Variants in DMD observed in about 807,000 individuals in gnomAD.
DMD encodes the protein mutant dystrophin.
A neutral mutation model predicts 330.1 loss-of-function variants in DMD; 63 were observed. The observed-to-expected ratio is 0.19, with a 90% CI of 0.16 to 0.24. The LOEUF is 0.24. DMD is among the 10% of genes least tolerant of loss of function. The pLI is 1.00. For missense variants in DMD, 3,344 were observed against 2,684.1 expected (o/e 1.25, Z -5.43); for synonymous variants, 1,223 against 959.8 (o/e 1.27, Z -5.07).
intron 48 of DMD, among the ~76,000 whole-genome samples, chrX:31,858,472 T>G (rs1603502096): frequency 1.8e-5 from 2 of 110,785 alleles, no homozygotes; most frequent in African/African-American, 6.5e-5. Context: ...GTAATTTTTC[T>G]CAACTCTCAA....
intron 2 of DMD, among the ~76,000 whole-genome samples, chrX:32,945,724 A>C (rs1027548862): frequency 1.8e-5 from 2 of 111,748 alleles, no homozygotes; most frequent in African/African-American, 6.5e-5. Context: ...CTCCTAAATT[A>C]GGGACAGATT....
chrX:31,312,823 A>G (rs1050466608), intron 62 of DMD, among the ~76,000 whole-genome samples: 8 of 111,815 alleles, frequency 7.2e-5, no homozygotes. Context: ...TGAAACTGGA[A>G]GCCATCATCC....
At chrX:32,364,487 C>G in intron 36 of DMD, 95 bp downstream of exon 36, 1 of 999,595 alleles carries the variant, frequency 1.0e-6, no homozygotes, top group Non-Finnish European at 1.4e-6. Flanking sequence ...GATTGTTTTA[C>G]TCTTATTAAG....
At chrX:32,642,391 C>T (rs919783739) in intron 11 of DMD, among the ~76,000 whole-genome samples, 1 of 111,906 alleles carries the variant, frequency 8.9e-6, no homozygotes, top group Non-Finnish European at 1.9e-5. Flanking sequence ...AGCTGTAACA[C>T]GTACAAAAGC....
rs150511828 is a variant in DMD, at chrX:32,519,444, T to C, written c.2169-1313A>G. ...CCTGATCATCAGCCTACCCTATGCT[T>C]AATTACTTCAACGGATATTCTATGG... On this transcript the variant is annotated intron_variant, in intron 17 of 78. Coordinates refer to ENST00000357033, the MANE Select transcript of DMD (RefSeq NM_004006.3). Among the ~76,000 whole-genome samples, 303 of 111,112 alleles carry C rather than the reference T, an allele frequency of 2.7e-3. 1 individual carries two copies. Among genetic ancestry groups the C allele is most frequent in the African/African-American group, 9.4e-3 (289 of 30,629 alleles).
At chrX:33,191,109 C>T (rs1190211259) in intron 1 of DMD, among the ~76,000 whole-genome samples, 1 of 93,536 alleles carries the variant, frequency 1.1e-5, no homozygotes, top group East Asian at 3.5e-4. Context: ...CCTCATTACC[C>T]GCGCAAATAA....
intron 55 of DMD, among the ~76,000 whole-genome samples, chrX:31,556,518 CAAA>C (rs56984431): frequency 7.9e-5 from 5 of 62,905 alleles, no homozygotes; most frequent in African/African-American, 5.3e-5. Flanking sequence ...GTGAAAAAAG[CAAA>C]AAAAAAAAAA....
intron 29 of DMD, among the ~76,000 whole-genome samples, chrX:32,421,334 A>G (rs1327528348): frequency 1.8e-5 from 2 of 111,940 alleles, no homozygotes; most frequent in Admixed American, 1.9e-4. Context: ...TAGGATAGAC[A>G]AGACTGCAGT....
At chrX:33,064,743 G>T (rs2094627837) in intron 1 of DMD, among the ~76,000 whole-genome samples, 1 of 110,554 alleles carries the variant, frequency 9.0e-6, no homozygotes, top group Non-Finnish European at 1.9e-5. Flanking sequence ...ACAAAAATTA[G>T]CCGGGCATGG....
At chrX:31,931,764 T>G (rs1037288942) in intron 46 of DMD, among the ~76,000 whole-genome samples, 6 of 111,506 alleles carry the variant, frequency 5.4e-5, no homozygotes, top group Admixed American at 1.9e-4. Flanking sequence ...AATCTAAAAT[T>G]AATTTCAAAT....
At chrX:32,870,713 G>T (rs1467112397) in intron 2 of DMD, among the ~76,000 whole-genome samples, 3 of 110,440 alleles carry the variant, frequency 2.7e-5, no homozygotes, top group African/African-American at 9.9e-5. Context: ...GGGAAGACTG[G>T]CTAGCCATAT....
intron 2 of DMD, among the ~76,000 whole-genome samples, chrX:32,891,305 G>A (rs893609785): frequency 1.8e-5 from 2 of 111,602 alleles, no homozygotes; most frequent in Admixed American, 1.9e-4. Context: ...ATATACAGAG[G>A]GCAGGTGAGT....
chrX:31,902,963 G>T (rs936486593), intron 47 of DMD, among the ~76,000 whole-genome samples: 9 of 111,121 alleles, frequency 8.1e-5, no homozygotes, highest in Admixed American at 9.6e-5. Context: ...ATGTTGTAGG[G>T]TTCATATAAT....
chrX:33,130,119 CTTG>C (rs757525582), intron 1 of DMD, among the ~76,000 whole-genome samples: 23 of 111,626 alleles, frequency 2.1e-4, no homozygotes, highest in African/African-American at 7.5e-4. Flanking sequence ...AAGTTACTGA[CTTG>C]AGGAGGAAAA....
chrX:33,269,178 G>A (rs763361225), intron 1 of DMD, among the ~76,000 whole-genome samples: 3 of 110,949 alleles, frequency 2.7e-5, no homozygotes, highest in South Asian at 3.8e-4. Flanking sequence ...CAAAAATATC[G>A]AATCAACCTA....
chrX:32,565,161 T>C (rs1032164389), intron 16 of DMD, among the ~76,000 whole-genome samples: 2 of 111,443 alleles, frequency 1.8e-5, no homozygotes, highest in African/African-American at 3.3e-5. Context: ...TGTGTTAGTA[T>C]AACTAAGCCA....
At chrX:32,672,262 A>G (rs2061678688) in intron 9 of DMD, among the ~76,000 whole-genome samples, 1 of 110,987 alleles carries the variant, frequency 9.0e-6, no homozygotes, top group African/African-American at 3.3e-5. Flanking sequence ...AAAGAAATCC[A>G]ACTGAAATGT....
intron 44 of DMD, among the ~76,000 whole-genome samples, chrX:32,093,157 A>G (rs202064638): frequency 1.8e-5 from 2 of 112,463 alleles, no homozygotes; most frequent in East Asian, 5.6e-4. Context: ...CTTTAAATCT[A>G]TAACTCAATA....
chrX:32,355,606 C>A (rs953589947), intron 37 of DMD, among the ~76,000 whole-genome samples: 1 of 111,443 alleles, frequency 9.0e-6, no homozygotes, highest in Non-Finnish European at 1.9e-5. Context: ...GATTTATTAG[C>A]GAAGTTTCAA....
Sources: gnomAD v4.1 joint callset for allele counts (sites outside exome capture counted in the v4.1 genomes callset) on GRCh38, gnomAD v4.1.1 for gene constraint, MANE v1.5 for transcripts, NCBI Gene and HGNC (gene_info 2026-07-23, HGNC 2026-07-21) for gene names.